NEK8: variants seen among roughly 807,000 people sequenced by gnomAD.
The protein encoded by NEK8 is serine/threonine-protein kinase Nek8.
Under a neutral mutation model 77.2 loss-of-function variants are expected in NEK8, and 51 were observed. The ratio of observed to expected loss-of-function variants is 0.66; its 90% CI spans 0.53 to 0.83. The LOEUF is 0.83. Ranked by LOEUF, NEK8 falls within the 40% of genes least tolerant of loss-of-function variation. The pLI is 0.00. For missense variants in NEK8, 787 were observed against 909.2 expected, an observed-to-expected ratio of 0.87 and a Z score of 1.73; for synonymous variants, 365 against 363.2, an observed-to-expected ratio of 1.00 and a Z score of -0.06.
In NEK8 at chr17:28,739,173, A is replaced by T. The variant is rs1352456615; in HGVS notation, c.1389A>T (p.Glu463Asp). Residue 463 changes from glutamate (E) to aspartate (D), a missense_variant, in exon 10 of 15, where the codon GAA (glutamate) becomes GAT (aspartate). Physicochemically the swap from Glu to Asp is conservative, Grantham distance 45. Coordinates refer to ENST00000268766, the MANE Select transcript of NEK8 (RefSeq NM_178170.3). ...SHVLALSTER[E>D]LFAWGRGDSG... ...TGCTGGCCCTGTCCACTGAGCGAGA[A>T]CTATTTGCCTGGGGCCGTGGAGACA... 2 of 1,614,010 alleles carry T rather than the reference A, an allele frequency of 1.2e-6. No homozygotes were observed. The highest frequency in any genetic ancestry group is 2.2e-5 in the South Asian group (2 of 91,082).
chr17:28,730,723 C>T (rs2034298530), intron 1 of NEK8, among the ~76,000 whole-genome samples: 1 of 151,914 alleles, frequency 6.6e-6, no homozygotes, highest in Non-Finnish European at 1.5e-5. Flanking sequence ...AGAGACCAGC[C>T]TGGGCAACAC....
chr17:28,735,738 C>T (rs900605855), intron 4 of NEK8, among the ~76,000 whole-genome samples: 1 of 152,104 alleles, frequency 6.6e-6, no homozygotes, highest in Non-Finnish European at 1.5e-5. Context: ...CCTCATCAGA[C>T]TGAAGTCTCC....
chr17:28,731,686 C>T (rs2034308399), intron 1 of NEK8, among the ~76,000 whole-genome samples: 1 of 151,176 alleles, frequency 6.6e-6, no homozygotes, highest in Non-Finnish European at 1.5e-5. Flanking sequence ...TCATTGCAAG[C>T]TCCGCCTCCC....
intron 10 of NEK8, 90 bp downstream of exon 10, chr17:28,739,291 T>TC (rs1180719913): frequency 1.2e-6 from 1 of 852,552 alleles, no homozygotes. Context: ...CAGCACATTC[T>TC]CTCTTCCCTC....
Position 28,738,635 on chromosome 17 carries a change from C to A in NEK8, c.1223-36C>A, listed in dbSNP as rs1325755690. 3.1e-6 allele frequency: 5 copies of A among 1,598,348 alleles called. No individual in the cohort carries two copies. In the African/African-American group the frequency reaches 6.7e-5, roughly 21 times the overall value. ...GCTATCTGGAAAGACTGTTTAACTT[C>A]TTTCCCTTCTCCTTCCTCACTGCCC... On this transcript the variant is annotated intron_variant, in intron 8 of 14. Coordinates refer to ENST00000268766, the MANE Select transcript of NEK8 (RefSeq NM_178170.3).
intron 4 of NEK8, 35 bp downstream of exon 4, chr17:28,735,406 A>C: frequency 6.2e-7 from 1 of 1,606,642 alleles, no homozygotes; most frequent in East Asian, 2.2e-5. Context: ...ACAACTGAGA[A>C]ATCTACTGCC....
Position 28,740,880 on chromosome 17 carries a change from C to A in NEK8, c.1627C>A (p.Gln543Lys). 6.2e-7 allele frequency: 1 copy of A among 1,614,140 alleles called. No individual in the cohort carries two copies. Among genetic ancestry groups the A allele is most frequent in the Non-Finnish European group, 8.5e-7 (1 of 1,180,020 alleles). The change falls in exon 12 of 15, where the codon CAA becomes AAA. Residue 543 changes from glutamine (Q) to lysine (K), a missense_variant. This residue lies in a region of NEK8 where 516 missense variants were observed against 544.0 expected (regional missense o/e 0.95). Coordinates refer to ENST00000268766, the MANE Select transcript of NEK8 (RefSeq NM_178170.3). This position sits in a 1 kb window ranked among gnomAD's most constrained non-coding sequence, Gnocchi z 4.7. ...GGGGGAGGAGCCTGTCCCCCACCAG[C>A]AAGTGGAGGAGGCCCTGAGCTTCAC... ...SLGEEPVPHQ[Q>K]VEEALSFTLL...
chr17:28,732,623 C>G (rs1353497293), intron 1 of NEK8, among the ~76,000 whole-genome samples: 1 of 141,194 alleles, frequency 7.1e-6, no homozygotes, highest in Non-Finnish European at 1.5e-5. Flanking sequence ...GCCATCTCGG[C>G]TCACAGCAAG....
chr17:28,734,136 C>A lies in NEK8; in HGVS notation c.201C>A (p.Tyr67Ter). 6.2e-7 allele frequency: 1 copy of A among 1,614,226 alleles called. No homozygotes were observed. ...ACCACCCCAATGTCATTGAGTACTA[C>A]GAGAACTTCCTGGAAGACAAAGCCC... ...LLNHPNVIEYYENFLEDKALM... is the reference protein window; with the variant it reads ...LLNHPNVIEY The change falls in exon 2 of 15, where the codon TAC becomes TAA. Residue 67 changes from tyrosine (Y) to a stop codon, truncating the protein, a stop_gained. Coordinates refer to ENST00000268766, the MANE Select transcript of NEK8 (RefSeq NM_178170.3). LOFTEE classifies it high-confidence loss of function.
At position 28,741,691 on chromosome 17, in the gene NEK8, A is replaced by G. The variant is rs2034424908; in HGVS notation, c.2050+120A>G. On this transcript the variant is annotated intron_variant, in intron 14 of 14. Coordinates refer to ENST00000268766, the MANE Select transcript of NEK8 (RefSeq NM_178170.3). This position sits in a 1 kb window ranked among gnomAD's most constrained non-coding sequence, Gnocchi z 4.5. ...GCATCTTTAGCCCCCAGATAAAAAAAGCAGAAGCTGCGGTTGAAAAGCTTC... is the reference window on the plus strand; with the variant it reads ...GCATCTTTAGCCCCCAGATAAAAAAGGCAGAAGCTGCGGTTGAAAAGCTTC... 1 of 1,294,424 alleles carries G rather than the reference A, an allele frequency of 7.7e-7. No individual in the cohort carries two copies. The highest frequency in any genetic ancestry group is 1.5e-5 in the African/African-American group (1 of 68,764). 80.2% of individuals were successfully genotyped at this position (1,294,424 alleles called of 1,614,324 possible). A position where few individuals can be genotyped will look rare whatever the true frequency, so the allele number is the denominator to read the frequency against.
intron 1 of NEK8, among the ~76,000 whole-genome samples, chr17:28,729,532 ATTTTTT>A (rs10523946): frequency 5.8e-4 from 57 of 98,344 alleles, no homozygotes; most frequent in Non-Finnish European, 2.7e-4. Flanking sequence ...AATTTTTTGG[ATTTTTT>A]TTTTTTTTTT....
intron 4 of NEK8, among the ~76,000 whole-genome samples, chr17:28,736,256 G>A (rs1402405877): frequency 6.6e-6 from 1 of 152,156 alleles, no homozygotes; most frequent in Non-Finnish European, 1.5e-5. Context: ...TGTCTTTATA[G>A]CAGCATGATT....
chr17:28,737,158 G>C lies in NEK8; in HGVS notation c.619-148G>C, dbSNP rs2034372683. ...TCTGTTTTGGTACCAGTACCATGCT[G>C]TTTTGGTTACTGTAGCCTTGTAGTA... On this transcript the variant is annotated intron_variant, in intron 4 of 14. Transcript: ENST00000268766. This position sits in a 1 kb window ranked among gnomAD's most constrained non-coding sequence, Gnocchi z 4.8. The C allele has an allele frequency of 5.2e-6, 4 of 770,472 alleles. No homozygotes were observed. In the East Asian group the frequency reaches 1.1e-4, roughly 21 times the overall value. 47.7% of individuals were successfully genotyped at this position (770,472 alleles called of 1,614,324 possible).
chr17:28,737,998 G>C lies in NEK8; in HGVS notation c.1069G>C (p.Glu357Gln). 6.2e-7 allele frequency: 1 copy of C among 1,612,126 alleles called. No homozygotes were observed. Among genetic ancestry groups the C allele is most frequent in the Non-Finnish European group, 8.5e-7 (1 of 1,179,036 alleles). ...VTRSGRLILW[E>Q]APPLGAGGGS... ...GCGCTCTGGGCGTCTCATCCTGTGG[G>C]AGGTGAGCAGGCCAGGGGGTGGCCT... Residue 357 changes from glutamate to glutamine, a missense_variant and splice_region_variant, in exon 7 of 15, where the codon GAG becomes CAG. Glu to Gln is a conservative substitution (Grantham distance 29). Around this residue, in one of 2 missense-constraint regions of NEK8, gnomAD observed 516 missense variants for 544.0 expected, o/e 0.95. Coordinates refer to ENST00000268766, the MANE Select transcript of NEK8 (RefSeq NM_178170.3). This position sits in a 1 kb window ranked among gnomAD's most constrained non-coding sequence, Gnocchi z 4.8.
intron 4 of NEK8, 100 bp downstream of exon 4, chr17:28,735,471 T>G: frequency 4.5e-6 from 6 of 1,333,748 alleles, no homozygotes; most frequent in Non-Finnish European, 6.2e-6. Flanking sequence ...AGCTGAGTCA[T>G]GTCTCTCCCT....
At position 28,743,115 on chromosome 17, in the gene NEK8, T is replaced by A. The variant is rs2034446461; in HGVS notation, c.*1128T>A. The A allele has an allele frequency of 6.7e-6, 1 of 148,886 alleles. No individual in the cohort carries two copies. The highest frequency in any genetic ancestry group is 2.5e-5 in the African/African-American group (1 of 39,866). The allele number at this position is 148,886 out of a possible 1,614,324, so 9.2% of individuals were successfully genotyped here. On this transcript the variant is annotated 3_prime_UTR_variant, in exon 15 of 15. Transcript: ENST00000268766. Reference sequence around the variant, plus strand: ...AAAAAAAAAAAAAGTATTTGGTGCTTACCGGGACTCTATCTCCATACTTTG... The same window carrying A: ...AAAAAAAAAAAAAGTATTTGGTGCTAACCGGGACTCTATCTCCATACTTTG...
At position 28,735,097 on chromosome 17, in the gene NEK8, G is replaced by A; in HGVS notation, c.486+93G>A. 9 of 1,522,384 alleles carry A rather than the reference G, an allele frequency of 5.9e-6. No homozygotes were observed. In the South Asian group the frequency reaches 9.0e-5, roughly 15 times the overall value. 94.3% of individuals were successfully genotyped at this position (1,522,384 alleles called of 1,614,324 possible). On this transcript the variant is annotated intron_variant, in intron 3 of 14. Transcript: ENST00000268766. Reference sequence around the variant, plus strand: ...CTCCCCTCCCCCTAAAAAACCCTTGGCCCTTTGGCCCCTGTTTGGGTGGTT... The same window carrying A: ...CTCCCCTCCCCCTAAAAAACCCTTGACCCTTTGGCCCCTGTTTGGGTGGTT...
At position 28,737,983 on chromosome 17, in the gene NEK8, C is replaced by T. The variant is rs1204896833; in HGVS notation, c.1054C>T (p.Arg352Cys). 1.9e-6 allele frequency: 3 copies of T among 1,611,754 alleles called. No individual in the cohort carries two copies. The highest frequency in any genetic ancestry group is 1.7e-5 in the Admixed American group (1 of 59,962). ...TQKAGVTRSGRLILWEAPPLG... is the reference protein window; with the variant it reads ...TQKAGVTRSGCLILWEAPPLG... Reference sequence around the variant, plus strand: ...GAAAGCCGGCGTCACGCGCTCTGGGCGTCTCATCCTGTGGGAGGTGAGCAG... The same window carrying T: ...GAAAGCCGGCGTCACGCGCTCTGGGTGTCTCATCCTGTGGGAGGTGAGCAG... Residue 352 changes from arginine to cysteine, a missense_variant, in exon 7 of 15, where the codon CGT becomes TGT. Transcript: ENST00000268766. The surrounding 1 kb of genome is among the most constrained non-coding windows in gnomAD (Gnocchi z 4.8).
At chr17:28,728,950 G>T in intron 1 of NEK8, 90 bp downstream of exon 1, 1 of 1,215,758 alleles carries the variant, frequency 8.2e-7, no homozygotes. Context: ...GCCTAATCCC[G>T]CCCCAAGGCG....
Sources: allele counts gnomAD v4.1 joint callset (sites outside exome capture counted in the v4.1 genomes callset), GRCh38; gene constraint gnomAD v4.1.1; regional missense constraint gnomAD v4.1.1; non-coding constraint Gnocchi (gnomAD v3.1); transcripts MANE v1.5; gene names NCBI Gene and HGNC (gene_info 2026-07-23, HGNC 2026-07-21).